Variants in PDE3A observed in about 807,000 individuals in gnomAD.
PDE3A encodes the protein cGMP-inhibited 3',5'-cyclic phosphodiesterase 3A.
A neutral mutation model predicts 98.3 loss-of-function variants in PDE3A; 43 were observed. That is an observed-to-expected ratio of 0.44 (90% CI 0.34 to 0.56). PDE3A has a LOEUF of 0.56. PDE3A is among the 20% of genes least tolerant of loss of function. The pLI is 0.01. For synonymous variants in PDE3A, 663 were observed against 567.9 expected, an observed-to-expected ratio of 1.17 and a Z score of -2.38; for missense variants, 1,427 against 1,440.7, an observed-to-expected ratio of 0.99 and a Z score of 0.15.
At chr12:20,572,152 GGAGCTTCT>G in intron 2 of PDE3A, 1 of 1,274,266 alleles carries the variant, frequency 7.8e-7, no homozygotes, top group Non-Finnish European at 1.0e-6. Flanking sequence ...TCCAAATCGT[GGAGCTTCT>G]ACTGGGAAAA....
rs543333658 is a variant in PDE3A at position 20,673,838 on chromosome 12, T to TA, written c.3185-6189dup. Among the ~76,000 whole-genome samples, 360 of 135,258 alleles carry TA rather than the reference T, an allele frequency of 2.7e-3. 1 individual carries two copies. The highest frequency in any genetic ancestry group is 3.9e-3 in the Non-Finnish European group (253 of 64,118). 88.7% of individuals were successfully genotyped at this position (135,258 alleles called of 152,430 possible). ...CAATGTGCACATGTACCCTAAAACT[T>TA]AAAGTATAATAAAAATAAAAATAAA... On this transcript the variant is annotated intron_variant, in intron 15 of 15. Coordinates refer to ENST00000359062, the MANE Select transcript of PDE3A (RefSeq NM_000921.5).
chr12:20,450,357 T>C (rs1945042344), intron 1 of PDE3A, among the ~76,000 whole-genome samples: 1 of 152,210 alleles, frequency 6.6e-6, no homozygotes, highest in South Asian at 2.1e-4. Flanking sequence ...CCCTTGACTT[T>C]TGGGATTCCA....
intron 1 of PDE3A, among the ~76,000 whole-genome samples, chr12:20,441,407 G>T (rs11611929): frequency 6.6e-6 from 1 of 151,922 alleles, no homozygotes; most frequent in Non-Finnish European, 1.5e-5. Flanking sequence ...AAAAAAATAT[G>T]GTATTGAAGA....
At chr12:20,427,337 A>T (rs892781605) in intron 1 of PDE3A, among the ~76,000 whole-genome samples, 85 of 152,204 alleles carry the variant, frequency 5.6e-4, no homozygotes, top group African/African-American at 1.7e-3. Flanking sequence ...CCAGTACACT[A>T]AGGGTTATTT....
At chr12:20,474,246 C>G (rs1185831563) in intron 1 of PDE3A, among the ~76,000 whole-genome samples, 1 of 151,968 alleles carries the variant, frequency 6.6e-6, no homozygotes, top group Non-Finnish European at 1.5e-5. Flanking sequence ...TCTTGAAATG[C>G]CTTTGTTTTT....
intron 1 of PDE3A, among the ~76,000 whole-genome samples, chr12:20,462,277 G>A (rs1315830742): frequency 6.6e-6 from 1 of 152,170 alleles, no homozygotes; most frequent in Non-Finnish European, 1.5e-5. Flanking sequence ...GATCACTTGA[G>A]GTCAGGAGTT....
intron 1 of PDE3A, among the ~76,000 whole-genome samples, chr12:20,547,966 G>A (rs1942098380): frequency 6.6e-6 from 1 of 152,002 alleles, no homozygotes; most frequent in East Asian, 1.9e-4. Context: ...TAAATTCTGT[G>A]TTTGGCAGCA....
At chr12:20,486,641 T>A (rs955309695) in intron 1 of PDE3A, among the ~76,000 whole-genome samples, 1 of 152,200 alleles carries the variant, frequency 6.6e-6, no homozygotes, top group Non-Finnish European at 1.5e-5. Context: ...TGCTTATTTG[T>A]TTGTTTTTTT....
chr12:20,497,138 G>A (rs1945934969), intron 1 of PDE3A, among the ~76,000 whole-genome samples: 1 of 152,084 alleles, frequency 6.6e-6, no homozygotes, highest in African/African-American at 2.4e-5. Context: ...AAGTAGTTGT[G>A]CTCTAAAGAG....
intron 1 of PDE3A, among the ~76,000 whole-genome samples, chr12:20,462,299 T>G (rs1005005778): frequency 6.6e-6 from 1 of 152,152 alleles, no homozygotes; most frequent in Admixed American, 6.5e-5. Context: ...GAGACCAGCC[T>G]GGCCAACATG....
intron 1 of PDE3A, among the ~76,000 whole-genome samples, chr12:20,512,486 T>C (rs1281441846): frequency 1.3e-5 from 2 of 152,106 alleles, no homozygotes; most frequent in African/African-American, 4.8e-5. Context: ...GATGGAGTAA[T>C]ATCTACTGTT....
chr12:20,625,558 T>C (rs1303246603), intron 5 of PDE3A, among the ~76,000 whole-genome samples: 2 of 152,214 alleles, frequency 1.3e-5, no homozygotes, highest in Non-Finnish European at 2.9e-5. Context: ...ATTCGGGCTA[T>C]CCATTTTCAC....
intron 1 of PDE3A, among the ~76,000 whole-genome samples, chr12:20,372,961 G>C (rs933855107): frequency 6.6e-6 from 1 of 151,994 alleles, no homozygotes; most frequent in Non-Finnish European, 1.5e-5. Flanking sequence ...GTGACCCTCA[G>C]TTCCAAAAGT....
At chr12:20,386,917 A>C (rs1297823121) in intron 1 of PDE3A, among the ~76,000 whole-genome samples, 1 of 152,102 alleles carries the variant, frequency 6.6e-6, no homozygotes, top group East Asian at 1.9e-4. Flanking sequence ...CTTTGCATTT[A>C]AGTCTTTAAT....
At chr12:20,421,663 T>G (rs902002521) in intron 1 of PDE3A, among the ~76,000 whole-genome samples, 4 of 151,720 alleles carry the variant, frequency 2.6e-5, no homozygotes, top group Non-Finnish European at 5.9e-5. Flanking sequence ...GTTTCTAACC[T>G]TTGCTATTAA....
At chr12:20,423,309 T>C (rs1565544536) in intron 1 of PDE3A, among the ~76,000 whole-genome samples, 1 of 151,986 alleles carries the variant, frequency 6.6e-6, no homozygotes, top group Non-Finnish European at 1.5e-5. Context: ...CCCAAATCAA[T>C]CCCTCTCTTT....
At chr12:20,465,054 G>A (rs960965474) in intron 1 of PDE3A, among the ~76,000 whole-genome samples, 6 of 151,960 alleles carry the variant, frequency 3.9e-5, no homozygotes, top group Non-Finnish European at 8.8e-5. Context: ...TGTGTTTTAA[G>A]GTTCATCATA....
At chr12:20,465,281 T>A (rs938692643) in intron 1 of PDE3A, among the ~76,000 whole-genome samples, 3 of 152,128 alleles carry the variant, frequency 2.0e-5, no homozygotes, top group Admixed American at 6.6e-5. Context: ...TCATATTACG[T>A]TGTTGGATTA....
chr12:20,517,984 C>A (rs748541375), intron 1 of PDE3A, among the ~76,000 whole-genome samples: 1 of 152,180 alleles, frequency 6.6e-6, no homozygotes, highest in Non-Finnish European at 1.5e-5. Flanking sequence ...TTGAGAAACA[C>A]TGACTGTGCT....
Sources: gnomAD v4.1 joint callset for allele counts (sites outside exome capture counted in the v4.1 genomes callset) on GRCh38, gnomAD v4.1.1 for gene constraint, MANE v1.5 for transcripts, NCBI Gene and HGNC (gene_info 2026-07-23, HGNC 2026-07-21) for gene names.